ZNF385D: variants seen among roughly 807,000 people sequenced by gnomAD.
The protein encoded by ZNF385D is zinc finger protein 385D, also known as zinc finger protein 659.
In ZNF385D, 15 loss-of-function variants were observed where a neutral mutation model predicts 35.8. The observed-to-expected ratio is 0.42, with a 90% CI of 0.28 to 0.64. ZNF385D has a LOEUF of 0.64. Among genes scored for constraint, ZNF385D ranks in the 30% least tolerant of loss-of-function variants. The pLI, the probability that ZNF385D is intolerant of heterozygous loss-of-function variation, is 0.23. For missense variants in ZNF385D, 474 were observed against 494.6 expected (o/e 0.96, Z 0.39); for synonymous variants, 212 against 186.8 (o/e 1.13, Z -1.10).
intron 3 of ZNF385D, among the ~76,000 whole-genome samples, chr3:21,766,121 C>A (rs2070820509): frequency 6.6e-6 from 1 of 151,936 alleles, no homozygotes; most frequent in African/African-American, 2.4e-5. Context: ...GGGAAATGAA[C>A]TAATAGTAGT....
intron 3 of ZNF385D, among the ~76,000 whole-genome samples, chr3:21,768,477 G>C (rs1188366479): frequency 1.3e-5 from 2 of 151,798 alleles, no homozygotes; most frequent in African/African-American, 4.8e-5. Flanking sequence ...TCTATTGAAG[G>C]CTTCAAACTT....
At chr3:22,183,000 A>C (rs1695386837) in intron 2 of ZNF385D, among the ~76,000 whole-genome samples, 1 of 152,120 alleles carries the variant, frequency 6.6e-6, no homozygotes, top group Admixed American at 6.6e-5. Flanking sequence ...TAAGTATTAA[A>C]ATTAAATTGT....
At chr3:21,938,386 G>T (rs1701362065) in intron 3 of ZNF385D, among the ~76,000 whole-genome samples, 1 of 152,138 alleles carries the variant, frequency 6.6e-6, no homozygotes, top group Admixed American at 6.6e-5. Context: ...ACTTAATTGG[G>T]CTGCAAGTGC....
intron 2 of ZNF385D, among the ~76,000 whole-genome samples, chr3:22,364,217 T>C (rs1268314089): frequency 6.6e-6 from 1 of 152,088 alleles, no homozygotes; most frequent in Non-Finnish European, 1.5e-5. Flanking sequence ...TTTTGGGATA[T>C]GACATCAAAG....
In ZNF385D at chr3:21,421,018, T is replaced by G. The variant is rs387517; in HGVS notation, c.*196A>C. 119,500 of 319,600 alleles carry G rather than the reference T, an allele frequency of 0.37. 34,517 individuals are homozygous for G. The highest frequency in any genetic ancestry group is 0.74 in the East Asian group (8,042 of 10,922). The allele number at this position is 319,600 out of a possible 1,614,324, so 19.8% of individuals were successfully genotyped here. A position where few individuals can be genotyped will look rare whatever the true frequency, so the allele number is the denominator to read the frequency against. On this transcript the variant is annotated 3_prime_UTR_variant, in exon 8 of 8. Coordinates refer to ENST00000281523, the MANE Select transcript of ZNF385D (RefSeq NM_024697.3). ...CAGCGTTCAAGAGGAATGCTTTAAT[T>G]TGGAGAAAATACCACTCCCTCCCTC...
At chr3:22,056,773 T>C (rs1447561414) in intron 3 of ZNF385D, among the ~76,000 whole-genome samples, 1 of 152,192 alleles carries the variant, frequency 6.6e-6, no homozygotes, top group Non-Finnish European at 1.5e-5. Context: ...GAGGGTAGAT[T>C]GGAATCAGTT....
chr3:21,732,445 A>T (rs2069065327), intron 1 of ZNF385D, among the ~76,000 whole-genome samples: 1 of 152,130 alleles, frequency 6.6e-6, no homozygotes, highest in South Asian at 2.1e-4. Context: ...AAAGAAGTTT[A>T]GTTTTGTAAG....
At chr3:21,976,313 C>T (rs967346592) in intron 3 of ZNF385D, among the ~76,000 whole-genome samples, 1 of 152,048 alleles carries the variant, frequency 6.6e-6, no homozygotes, top group African/African-American at 2.4e-5. Flanking sequence ...CTACATGTGA[C>T]ACAAATACTA....
In ZNF385D at chr3:21,681,301, A is replaced by G. The variant is rs1253397906; in HGVS notation, c.23-16273T>C. ...CTATGTGAATATATTCCATCAGTAAAAAAAAAAAAAAAAAAAAAAAAAACC... is the reference window on the plus strand; with the variant it reads ...CTATGTGAATATATTCCATCAGTAAGAAAAAAAAAAAAAAAAAAAAAAACC... On this transcript the variant is annotated intron_variant, in intron 1 of 7. Transcript: ENST00000281523. 1.6e-3 allele frequency among the ~76,000 whole-genome samples: 232 copies of G among 142,034 alleles called. 1 individual carries two copies. The highest frequency in any genetic ancestry group is 5.8e-3 in the African/African-American group (203 of 35,192). The allele number at this position is 142,034 out of a possible 152,430, so 93.2% of individuals were successfully genotyped here. A position where few individuals can be genotyped will look rare whatever the true frequency, so the allele number is the denominator to read the frequency against.
At chr3:21,715,835 G>C (rs979339678) in intron 1 of ZNF385D, among the ~76,000 whole-genome samples, 1 of 151,952 alleles carries the variant, frequency 6.6e-6, no homozygotes, top group African/African-American at 2.4e-5. Flanking sequence ...TTCTCCCCTA[G>C]ACTTCGGACT....
chr3:21,766,757 G>A (rs1322317116), intron 3 of ZNF385D, among the ~76,000 whole-genome samples: 1 of 151,988 alleles, frequency 6.6e-6, no homozygotes, highest in Non-Finnish European at 1.5e-5. Context: ...AGAATAAGAG[G>A]ATATAATTAG....
intron 1 of ZNF385D, among the ~76,000 whole-genome samples, chr3:21,726,742 C>A (rs1211415247): frequency 3.3e-5 from 5 of 152,176 alleles, no homozygotes; most frequent in Non-Finnish European, 4.4e-5. Flanking sequence ...AATGCCTATA[C>A]TGCCCGAAGT....
chr3:21,971,874 A>G (rs762346164), intron 3 of ZNF385D, among the ~76,000 whole-genome samples: 3 of 151,972 alleles, frequency 2.0e-5, no homozygotes, highest in Non-Finnish European at 2.9e-5. Context: ...GAAGGTCACT[A>G]TATGTAATGA....
At chr3:21,617,643 A>T (rs1374483268) in intron 2 of ZNF385D, among the ~76,000 whole-genome samples, 1 of 152,172 alleles carries the variant, frequency 6.6e-6, no homozygotes. Flanking sequence ...AAGTGATTGA[A>T]ACGCGGATTC....
At chr3:21,707,481 C>G (rs541348565) in intron 1 of ZNF385D, among the ~76,000 whole-genome samples, 2 of 152,164 alleles carry the variant, frequency 1.3e-5, no homozygotes, top group Admixed American at 1.3e-4. Flanking sequence ...AACCCCCATC[C>G]TGATATCTCC....
At chr3:22,127,854 T>C (rs1703528718) in intron 3 of ZNF385D, among the ~76,000 whole-genome samples, 1 of 152,188 alleles carries the variant, frequency 6.6e-6, no homozygotes, top group Non-Finnish European at 1.5e-5. Flanking sequence ...ATACTATCTA[T>C]GTCTTTAAAA....
chr3:22,318,936 G>C (rs1208467243), intron 2 of ZNF385D, among the ~76,000 whole-genome samples: 1 of 152,160 alleles, frequency 6.6e-6, no homozygotes, highest in Non-Finnish European at 1.5e-5. Context: ...TCCCTAGAAT[G>C]CATTTTTTGA....
chr3:21,984,133 G>C (rs1212472430), intron 3 of ZNF385D, among the ~76,000 whole-genome samples: 1 of 137,988 alleles, frequency 7.2e-6, no homozygotes, highest in Non-Finnish European at 1.5e-5. Context: ...CACTCTGATG[G>C]TAGTTTCTTT....
intron 4 of ZNF385D, among the ~76,000 whole-genome samples, chr3:21,445,743 G>T (rs1423998012): frequency 6.6e-6 from 1 of 152,122 alleles, no homozygotes; most frequent in Non-Finnish European, 1.5e-5. Context: ...CATCAAATTT[G>T]TTAGGCATTT....
Sources: allele counts gnomAD v4.1 joint callset (sites outside exome capture counted in the v4.1 genomes callset), GRCh38; gene constraint gnomAD v4.1.1; transcripts MANE v1.5; gene names NCBI Gene and HGNC (gene_info 2026-07-23, HGNC 2026-07-21).